The following TMPRSS11A variants were observed in gnomAD, a reference collection of about 807,000 sequenced individuals.
TMPRSS11A encodes transmembrane protease serine 11A.
TMPRSS11A carries 53 observed loss-of-function variants against 58.9 expected under a neutral mutation model. The ratio of observed to expected loss-of-function variants is 0.90; its 90% CI spans 0.72 to 1.13. The LOEUF (loss-of-function observed/expected upper bound fraction) is 1.13, where lower values mean the gene tolerates loss of function less well. Ranked by LOEUF, TMPRSS11A falls within the 50% of genes most tolerant of loss-of-function variation. TMPRSS11A has a pLI of 0.00. For synonymous variants in TMPRSS11A, 167 were observed against 169.8 expected, an observed-to-expected ratio of 0.98 and a Z score of 0.13; for missense variants, 493 against 499.3, an observed-to-expected ratio of 0.99 and a Z score of 0.12.
chr4:67,919,108 T>C lies in TMPRSS11A; in HGVS notation c.817A>G (p.Ile273Val). 3.1e-6 allele frequency: 5 copies of C among 1,614,198 alleles called. No homozygotes were observed. The highest frequency in any genetic ancestry group is 1.6e-4 in the Middle Eastern group (1 of 6,062). Residue 273 changes from isoleucine to valine, a missense_variant, in exon 8 of 10, where the codon ATT becomes GTT. Coordinates refer to ENST00000508048, the MANE Select transcript of TMPRSS11A (RefSeq NM_001114387.2). ...CTGGAAGAGACCTGCACAACAGCAA[T>C]GTCGTACTCTCTTGCTGCAGAGCGG... ...KYRSAAREYD[I>V]AVVQVSSRVT...
At chr4:67,951,402 T>G (rs6815357) in intron 1 of TMPRSS11A, among the ~76,000 whole-genome samples, 1 of 152,046 alleles carries the variant, frequency 6.6e-6, no homozygotes, top group East Asian at 1.9e-4. Flanking sequence ...AGTTGGCAAC[T>G]TCTGTGTATG....
At chr4:67,951,984 G>T (rs1469516373) in intron 1 of TMPRSS11A, among the ~76,000 whole-genome samples, 1 of 152,158 alleles carries the variant, frequency 6.6e-6, no homozygotes, top group African/African-American at 2.4e-5. Context: ...TACAAGGAAA[G>T]CAACCTTCTG....
At chr4:67,928,648 G>A (rs1196241274) in intron 5 of TMPRSS11A, among the ~76,000 whole-genome samples, 1 of 152,312 alleles carries the variant, frequency 6.6e-6, no homozygotes, top group African/African-American at 2.4e-5. Context: ...GCACTTGTCA[G>A]GTTCCTCCCT....
rs1339559603 is a variant in TMPRSS11A at position 67,950,903 on chromosome 4, G to A, written c.12-4332C>T. ...GATTATGACTACTTGGCACTCTGCA[G>A]TCTTTGGGGATGTAAAGGTGGCCAA... On this transcript the variant is annotated intron_variant, in intron 1 of 9. Transcript: ENST00000508048. Among the ~76,000 whole-genome samples, 10 of 152,238 alleles carry A rather than the reference G, an allele frequency of 6.6e-5. No homozygotes were observed. The East Asian group carries it at 1.7e-3, about 26-fold the overall frequency.
intron 2 of TMPRSS11A, 87 bp from the exon 3 acceptor site, chr4:67,944,724 A>G: frequency 1.8e-6 from 2 of 1,083,730 alleles, no homozygotes; most frequent in Non-Finnish European, 2.7e-6. Context: ...TAAATCTTGA[A>G]TATGTCCCTG....
chr4:67,949,470 C>T (rs1721105957), intron 1 of TMPRSS11A, among the ~76,000 whole-genome samples: 2 of 152,154 alleles, frequency 1.3e-5, no homozygotes, highest in African/African-American at 4.8e-5. Context: ...GCTACAGAAG[C>T]CATAGGTTAA....
intron 3 of TMPRSS11A, 77 bp from the exon 4 acceptor site, chr4:67,932,137 A>G (rs1321874186): frequency 2.4e-6 from 2 of 847,468 alleles, no homozygotes; most frequent in Non-Finnish European, 3.6e-6. Flanking sequence ...TAAATGTTAA[A>G]GCAATCAAAA....
chr4:67,922,689 C>A, intron 7 of TMPRSS11A, 66 bp downstream of exon 7: 1 of 1,459,230 alleles, frequency 6.9e-7, no homozygotes. Flanking sequence ...TAATTGTTAC[C>A]AAGAATATGA....
intron 7 of TMPRSS11A, 43 bp from the exon 8 acceptor site, chr4:67,919,275 A>C (rs777960936): frequency 1.3e-6 from 2 of 1,570,536 alleles, no homozygotes; most frequent in African/African-American, 2.7e-5. Flanking sequence ...TAAGCTGCCC[A>C]AAGTATATGA....
chr4:67,953,464 G>T (rs146474630), intron 1 of TMPRSS11A, among the ~76,000 whole-genome samples: 1 of 152,096 alleles, frequency 6.6e-6, no homozygotes, highest in African/African-American at 2.4e-5. Flanking sequence ...TTTTCCAAAT[G>T]TACTTTTTTA....
At chr4:67,929,342 C>T (rs983006197) in intron 5 of TMPRSS11A, among the ~76,000 whole-genome samples, 8 of 152,046 alleles carry the variant, frequency 5.3e-5, no homozygotes, top group Admixed American at 2.0e-4. Context: ...GAACAATGTA[C>T]ACATAGTTTC....
At chr4:67,923,107 T>G (rs542599699) in intron 6 of TMPRSS11A, among the ~76,000 whole-genome samples, 181 bp from the exon 7 acceptor site, 3 of 152,214 alleles carry the variant, frequency 2.0e-5, no homozygotes, top group African/African-American at 7.2e-5. Context: ...TTTCTTACTG[T>G]GTGAGAACAG....
chr4:67,913,523 G>A (rs1486368718), intron 9 of TMPRSS11A, among the ~76,000 whole-genome samples: 1 of 152,174 alleles, frequency 6.6e-6, no homozygotes, highest in East Asian at 1.9e-4. Context: ...ATCCAGTGAA[G>A]CATCTCTATG....
chr4:67,921,978 A>T (rs2109740312), intron 7 of TMPRSS11A, among the ~76,000 whole-genome samples: 1 of 152,366 alleles, frequency 6.6e-6, no homozygotes, highest in African/African-American at 2.4e-5. Flanking sequence ...TATCTTGAAA[A>T]GTAAGATTAA....
At chr4:67,913,428 TA>T (rs1381464566) in intron 9 of TMPRSS11A, among the ~76,000 whole-genome samples, 1 of 152,200 alleles carries the variant, frequency 6.6e-6, no homozygotes, top group Non-Finnish European at 1.5e-5. Context: ...GCTGCCCTGA[TA>T]ACTTACTGTA....
intron 9 of TMPRSS11A, 53 bp downstream of exon 9, chr4:67,914,535 G>A (rs1371933): frequency 0.56 from 862,551 of 1,535,318 alleles, 244,366 homozygotes; most frequent in East Asian, 0.68. Flanking sequence ...AATATATTCT[G>A]AGCCAGATAC....
In TMPRSS11A at chr4:67,922,890, C is replaced by T. The variant is rs1352122492; in HGVS notation, c.557G>A (p.Arg186Lys). The change falls in exon 7 of 10, where the codon AGA (arginine) becomes AAA (lysine). Residue 186 changes from arginine to lysine, a missense_variant. Arg to Lys is a conservative substitution (Grantham distance 26, BLOSUM62 2). Coordinates refer to ENST00000508048, the MANE Select transcript of TMPRSS11A (RefSeq NM_001114387.2). Reference protein sequence around the residue: ...GKRVVPLNVNRIASGVIAPKA... With the variant: ...GKRVVPLNVNKIASGVIAPKA... ...GGGTGCAATGACTCCAGATGCTATT[C>T]TGTTGACGTTTAATGGAACAACTCG... 1.9e-6 allele frequency: 3 copies of T among 1,614,044 alleles called. No individual in the cohort carries two copies. Among genetic ancestry groups the T allele is most frequent in the Non-Finnish European group, 2.5e-6 (3 of 1,180,042 alleles).
chr4:67,939,606 G>C (rs968268195), intron 3 of TMPRSS11A, among the ~76,000 whole-genome samples: 12 of 152,202 alleles, frequency 7.9e-5, no homozygotes, highest in African/African-American at 2.9e-4. Context: ...CCTAGTCTAA[G>C]TGTTTTTATT....
chr4:67,933,718 A>G (rs1720685918), intron 3 of TMPRSS11A, among the ~76,000 whole-genome samples: 1 of 152,122 alleles, frequency 6.6e-6, no homozygotes, highest in African/African-American at 2.4e-5. Context: ...CTCTCTCATC[A>G]CCCACAGCCA....
Sources: allele counts gnomAD v4.1 joint callset (sites outside exome capture counted in the v4.1 genomes callset), GRCh38; gene constraint gnomAD v4.1.1; transcripts MANE v1.5; gene names NCBI Gene and HGNC (gene_info 2026-07-23, HGNC 2026-07-21).